Variants in PATJ observed in about 807,000 individuals in gnomAD.
PATJ encodes the protein inaD-like protein.
Under a neutral mutation model 224.9 loss-of-function variants are expected in PATJ, and 190 were observed. The ratio of observed to expected loss-of-function variants is 0.84; its 90% CI spans 0.75 to 0.95. PATJ has a LOEUF of 0.95. PATJ is among the 40% of genes least tolerant of loss of function. PATJ has a pLI of 0.00. For synonymous variants in PATJ, 769 were observed against 820.3 expected (o/e 0.94, Z 1.07); for missense variants, 2,121 against 2,270.3 (o/e 0.93, Z 1.34).
intron 17 of PATJ, among the ~76,000 whole-genome samples, chr1:61,840,493 T>C (rs530433687): frequency 4.6e-5 from 7 of 152,142 alleles, no homozygotes; most frequent in African/African-American, 1.7e-4. Flanking sequence ...ATAGTACTTA[T>C]TTAATTTTAA....
chr1:61,997,996 ATAATATAT>A (rs1645491310), intron 28 of PATJ, among the ~76,000 whole-genome samples: 2 of 109,398 alleles, frequency 1.8e-5, no homozygotes, highest in South Asian at 2.6e-4. Flanking sequence ...ATATGTATAT[ATAATATAT>A]TATATATATT....
chr1:61,948,816 A>T (rs1056205478), intron 27 of PATJ, among the ~76,000 whole-genome samples: 1 of 152,188 alleles, frequency 6.6e-6, no homozygotes, highest in East Asian at 1.9e-4. Flanking sequence ...AACCAACTCA[A>T]ATGTCCATCA....
intron 25 of PATJ, among the ~76,000 whole-genome samples, chr1:61,910,268 A>G (rs1446933167): frequency 6.6e-6 from 1 of 152,218 alleles, no homozygotes; most frequent in Admixed American, 6.5e-5. Flanking sequence ...AACCTTTGCT[A>G]GTGAGCTGAG....
At chr1:61,952,733 T>G (rs1401848231) in intron 27 of PATJ, among the ~76,000 whole-genome samples, 1 of 152,236 alleles carries the variant, frequency 6.6e-6, no homozygotes, top group Non-Finnish European at 1.5e-5. Flanking sequence ...CTGTATTCTC[T>G]CCTTTCAGAA....
At chr1:61,809,289 T>C (rs1054229983) in intron 14 of PATJ, among the ~76,000 whole-genome samples, 1 of 152,176 alleles carries the variant, frequency 6.6e-6, no homozygotes, top group African/African-American at 2.4e-5. Flanking sequence ...TGTTCTTGCC[T>C]GAGTGGTTTC....
At chr1:61,858,231 G>T (rs1390572152) in intron 18 of PATJ, among the ~76,000 whole-genome samples, 1 of 152,028 alleles carries the variant, frequency 6.6e-6, no homozygotes, top group Non-Finnish European at 1.5e-5. Flanking sequence ...GTGAGAGAGA[G>T]TTGGAGTGGG....
At chr1:61,987,618 C>A (rs1288198498) in intron 27 of PATJ, among the ~76,000 whole-genome samples, 1 of 152,152 alleles carries the variant, frequency 6.6e-6, no homozygotes, top group African/African-American at 2.4e-5. Context: ...GACTCTATGG[C>A]ACCTCTGCAG....
At chr1:62,138,403 G>T (rs113712189) in intron 41 of PATJ, among the ~76,000 whole-genome samples, 2 of 152,244 alleles carry the variant, frequency 1.3e-5, no homozygotes, top group Admixed American at 1.3e-4. Flanking sequence ...CGCCTCCTGG[G>T]TTCAAGTGAT....
In PATJ at chr1:62,144,777, A is replaced by AAAAAATATAT. The variant is rs377489788; in HGVS notation, c.5272-3506_5272-3505insAAAATATATA. ...TAGAATGTTATTTGCAAAAAAAAAA[A>AAAAAATATAT]ATATATATATATATATATAATTAGC... is the stretch of plus-strand genomic sequence containing the variant. On this transcript the variant is annotated intron_variant, in intron 41 of 43. Transcript: ENST00000642238. Among the ~76,000 whole-genome samples the AAAAAATATAT allele has an allele frequency of 2.1e-4, 25 of 119,104 alleles. 1 individual carries two copies. In the South Asian group the frequency reaches 2.1e-3, roughly 10 times the overall value. 78.1% of individuals were successfully genotyped at this position (119,104 alleles called of 152,430 possible).
At position 62,096,355 on chromosome 1, in the gene PATJ, A is replaced by G. The variant is rs1025874002; in HGVS notation, c.4377+11707A>G. Among the ~76,000 whole-genome samples, 8 of 152,312 alleles carry G rather than the reference A, an allele frequency of 5.3e-5. No homozygotes were observed. In the East Asian group the frequency reaches 1.5e-3, roughly 29 times the overall value. ...TTAGGGAGTAGATGGATTCACAGATATGGAATCCATGATCAGTGAGGATTG... is the reference window on the plus strand; with the variant it reads ...TTAGGGAGTAGATGGATTCACAGATGTGGAATCCATGATCAGTGAGGATTG... On this transcript the variant is annotated intron_variant, in intron 33 of 43. Transcript: ENST00000642238.
chr1:61,761,023 G>C (rs1460543012), intron 1 of PATJ, among the ~76,000 whole-genome samples: 2 of 152,064 alleles, frequency 1.3e-5, no homozygotes, highest in Non-Finnish European at 2.9e-5. Context: ...TTGTCACCCA[G>C]GCTGGAGTGC....
intron 43 of PATJ, among the ~76,000 whole-genome samples, chr1:62,155,927 A>G (rs561446638): frequency 1.8e-4 from 28 of 151,564 alleles, no homozygotes; most frequent in Non-Finnish European, 3.1e-4. Flanking sequence ...GCATGGTGGT[A>G]GGCGCCTGTA....
At chr1:61,936,678 T>G (rs2149325844) in intron 27 of PATJ, among the ~76,000 whole-genome samples, 1 of 152,028 alleles carries the variant, frequency 6.6e-6, no homozygotes, top group Non-Finnish European at 1.5e-5. Flanking sequence ...TTCAAGCGAT[T>G]CTCGTGCCTC....
At chr1:61,797,137 G>C in intron 10 of PATJ, 150 bp from the exon 11 acceptor site, 1 of 809,496 alleles carries the variant, frequency 1.2e-6, no homozygotes, top group South Asian at 1.8e-5. Context: ...ACCTACCAAA[G>C]TGCTGGGATT....
chr1:61,982,573 G>A (rs7545272), intron 27 of PATJ, among the ~76,000 whole-genome samples: 45,280 of 151,848 alleles, frequency 0.3, 7,377 homozygotes, highest in East Asian at 0.45. Context: ...AGGAGGTATT[G>A]TGACCATGTG....
chr1:62,124,684 C>A (rs990683030), intron 39 of PATJ, among the ~76,000 whole-genome samples: 4 of 152,240 alleles, frequency 2.6e-5, no homozygotes, highest in East Asian at 3.9e-4. Context: ...TTTCCTGAGG[C>A]CCCCCTCCTT....
At chr1:61,997,842 G>T (rs1271079380) in intron 28 of PATJ, among the ~76,000 whole-genome samples, 1 of 147,694 alleles carries the variant, frequency 6.8e-6, no homozygotes, top group East Asian at 2.0e-4. Context: ...AAAAAGACAG[G>T]GTCTAGCTCT....
chr1:61,886,037 G>C (rs181636842), intron 22 of PATJ, among the ~76,000 whole-genome samples: 1 of 151,768 alleles, frequency 6.6e-6, no homozygotes, highest in African/African-American at 2.4e-5. Context: ...TGGGGTGGGG[G>C]GATGGGGGAG....
chr1:61,922,410 G>A (rs1177361439), intron 26 of PATJ, among the ~76,000 whole-genome samples: 1 of 152,158 alleles, frequency 6.6e-6, no homozygotes, highest in African/African-American at 2.4e-5. Context: ...ACATCTGGAA[G>A]GGACTGGAAT....
Sources: gnomAD v4.1 joint callset for allele counts (sites outside exome capture counted in the v4.1 genomes callset) on GRCh38, gnomAD v4.1.1 for gene constraint, MANE v1.5 for transcripts, NCBI Gene and HGNC (gene_info 2026-07-23, HGNC 2026-07-21) for gene names.